The following CYP7B1 variants were observed in gnomAD, a reference collection of about 807,000 sequenced individuals.
CYP7B1 encodes the protein cytochrome P450 7B1.
Under a neutral mutation model 42.7 loss-of-function variants are expected in CYP7B1, and 29 were observed. The observed-to-expected ratio is 0.68, with a 90% CI of 0.51 to 0.93. The LOEUF is 0.93. CYP7B1 is among the 40% of genes least tolerant of loss of function. CYP7B1 has a pLI of 0.00. For missense variants in CYP7B1, 655 were observed against 600.5 expected, an observed-to-expected ratio of 1.09 and a Z score of -0.95; for synonymous variants, 235 against 218.2, an observed-to-expected ratio of 1.08 and a Z score of -0.68.
chr8:64,761,269 C>T (rs1285946971), intron 1 of CYP7B1, among the ~76,000 whole-genome samples: 1 of 152,062 alleles, frequency 6.6e-6, no homozygotes, highest in Non-Finnish European at 1.5e-5. Flanking sequence ...AAATGTACAG[C>T]TTGGTAGCTA....
chr8:64,739,871 T>A (rs1353948037), intron 1 of CYP7B1, among the ~76,000 whole-genome samples: 1 of 152,112 alleles, frequency 6.6e-6, no homozygotes, highest in Non-Finnish European at 1.5e-5. Context: ...TGGATTGAAA[T>A]ATTTAAAGTG....
chr8:64,689,369 A>G (rs994628878), intron 1 of CYP7B1, among the ~76,000 whole-genome samples: 4 of 152,252 alleles, frequency 2.6e-5, no homozygotes, highest in African/African-American at 9.6e-5. Context: ...ATAAGTGCCT[A>G]TCTTACATAC....
At chr8:64,731,496 G>T (rs190997691) in intron 1 of CYP7B1, among the ~76,000 whole-genome samples, 17 of 152,260 alleles carry the variant, frequency 1.1e-4, no homozygotes, top group African/African-American at 3.8e-4. Context: ...TTTCTAAGCA[G>T]CAAAACGTTC....
At position 64,639,206 on chromosome 8, in the gene CYP7B1, A is replaced by C. The variant is rs150096932; in HGVS notation, c.123-14667T>G. 3.1e-3 allele frequency among the ~76,000 whole-genome samples: 467 copies of C among 152,232 alleles called. 4 individuals are homozygous for C. Among genetic ancestry groups the C allele is most frequent in the African/African-American group, 9.1e-3 (380 of 41,564 alleles). On this transcript the variant is annotated intron_variant, in intron 1 of 5. Coordinates refer to ENST00000310193, the MANE Select transcript of CYP7B1 (RefSeq NM_004820.5). ...TGATAGCTTACAGATAAGTCCTCAA[A>C]ATACTCTTAATTATTGTCAATGAAC...
At chr8:64,712,117 T>C (rs371266493) in intron 1 of CYP7B1, among the ~76,000 whole-genome samples, 2 of 152,256 alleles carry the variant, frequency 1.3e-5, no homozygotes, top group East Asian at 1.9e-4. Flanking sequence ...GGAACAACAA[T>C]AGTAGTAACA....
rs1412873237 is a variant in CYP7B1, at chr8:64,645,152, G to A, written c.123-20613C>T. On this transcript the variant is annotated intron_variant, in intron 1 of 5. Coordinates refer to ENST00000310193, the MANE Select transcript of CYP7B1 (RefSeq NM_004820.5). ...ATATGTGCCACATTTTCTTAATCCA[G>A]TCTATCATTGTTGGACATTTGGGTT... Among the ~76,000 whole-genome samples, 136 of 150,678 alleles carry A rather than the reference G, an allele frequency of 9.0e-4. 1 individual carries two copies. Among genetic ancestry groups the A allele is most frequent in the African/African-American group, 3.2e-3 (132 of 41,020 alleles).
chr8:64,643,403 T>C lies in CYP7B1; in HGVS notation c.123-18864A>G, dbSNP rs540577247. Among the ~76,000 whole-genome samples, 17 of 152,214 alleles carry C rather than the reference T, an allele frequency of 1.1e-4. No individual in the cohort carries two copies. The East Asian group carries it at 2.7e-3, about 24-fold the overall frequency. The stretch of plus-strand genomic sequence containing the variant: ...ATAGCACTATGTATAAAAATGTACA[T>C]ATCTTAATTAAAAATACTTTATTGC... On this transcript the variant is annotated intron_variant, in intron 1 of 5. Transcript: ENST00000310193.
intron 1 of CYP7B1, among the ~76,000 whole-genome samples, chr8:64,625,957 C>T (rs758110509): frequency 2.0e-5 from 3 of 151,872 alleles, no homozygotes; most frequent in Non-Finnish European, 4.4e-5. Context: ...CCACTTAAGT[C>T]TACTTAACAT....
intron 1 of CYP7B1, among the ~76,000 whole-genome samples, chr8:64,750,125 T>G (rs762493213): frequency 5.9e-5 from 9 of 152,218 alleles, no homozygotes; most frequent in Non-Finnish European, 7.3e-5. Context: ...TTTCTATGAT[T>G]GATTTTCCTT....
chr8:64,589,192 G>C (rs1372261072), downstream of CYP7B1, among the ~76,000 whole-genome samples: 1 of 152,172 alleles, frequency 6.6e-6, no homozygotes, highest in African/African-American at 2.4e-5. Context: ...ATGTTGTCCC[G>C]TGGAGTAGTT....
rs556149419 is a variant in CYP7B1, at chr8:64,624,534, G to A, written c.128C>T (p.Pro43Leu). 1 of 1,613,146 alleles carries A rather than the reference G, an allele frequency of 6.2e-7. No individual in the cohort carries two copies. The highest frequency in any genetic ancestry group is 1.3e-5 in the African/African-American group (1 of 74,822). ...LCLLVRRTRR[P>L]GEPPLIKGWL... is the part of the protein sequence containing the mutation. ...ACCTTTTATCAATGGAGGCTCACCGGGTCTCCTACAAGGAAAAAAAAAAAG... is the reference window on the plus strand; with the variant it reads ...ACCTTTTATCAATGGAGGCTCACCGAGTCTCCTACAAGGAAAAAAAAAAAG... Residue 43 changes from proline (P) to leucine (L), a missense_variant, in exon 2 of 6, where the codon CCC (proline) becomes CTC (leucine). Pro to Leu is a moderately conservative substitution (Grantham distance 98). Transcript: ENST00000310193.
intron 1 of CYP7B1, among the ~76,000 whole-genome samples, chr8:64,771,786 C>T (rs1427275417): frequency 6.6e-6 from 1 of 152,216 alleles, no homozygotes; most frequent in East Asian, 1.9e-4. Context: ...ATAGACAAAA[C>T]TATAACTCCA....
At chr8:64,598,028 T>C (rs555520443) in intron 5 of CYP7B1, among the ~76,000 whole-genome samples, 2 of 152,354 alleles carry the variant, frequency 1.3e-5, no homozygotes, top group South Asian at 4.1e-4. Flanking sequence ...GTGTTGTTAA[T>C]GACAGTGAAC....
chr8:64,625,119 G>A (rs1030711721), intron 1 of CYP7B1, among the ~76,000 whole-genome samples: 10 of 151,686 alleles, frequency 6.6e-5, no homozygotes, highest in African/African-American at 1.5e-4. Context: ...GACTACAGGC[G>A]CCTGCCACCA....
chr8:64,728,444 A>C (rs1585880713), intron 1 of CYP7B1, among the ~76,000 whole-genome samples: 1 of 152,240 alleles, frequency 6.6e-6, no homozygotes, highest in Non-Finnish European at 1.5e-5. Flanking sequence ...GATCAGCAAC[A>C]GATCCTTCCC....
chr8:64,656,622 T>C (rs1008598327), intron 1 of CYP7B1, among the ~76,000 whole-genome samples: 2 of 152,200 alleles, frequency 1.3e-5, no homozygotes, highest in Non-Finnish European at 2.9e-5. Flanking sequence ...CCCAAAGTAC[T>C]AGGTAGAAAG....
rs1481862674 is a variant in CYP7B1, at chr8:64,591,738, A to G, written c.*4904T>C. 6.6e-6 allele frequency among the ~76,000 whole-genome samples: 1 copy of G among 152,200 alleles called. No homozygotes were observed. ...AAAGTTTTCTTCTAGGTTGCTTATAAGCATGCCTGATTTAGTGATAGGTAG... is the reference window on the plus strand; with the variant it reads ...AAAGTTTTCTTCTAGGTTGCTTATAGGCATGCCTGATTTAGTGATAGGTAG... On this transcript the variant is annotated 3_prime_UTR_variant, in exon 6 of 6. Coordinates refer to ENST00000310193, the MANE Select transcript of CYP7B1 (RefSeq NM_004820.5).
chr8:64,720,091 G>C (rs1217432902), intron 1 of CYP7B1, among the ~76,000 whole-genome samples: 1 of 152,090 alleles, frequency 6.6e-6, no homozygotes, highest in Non-Finnish European at 1.5e-5. Flanking sequence ...TTTAATCTAA[G>C]GCACAATGAA....
At chr8:64,736,831 T>C (rs989479088) in intron 1 of CYP7B1, among the ~76,000 whole-genome samples, 8 of 152,170 alleles carry the variant, frequency 5.3e-5, no homozygotes, top group Non-Finnish European at 1.0e-4. Context: ...ACCAAATCCA[T>C]ATCTCAAATC....
Sources: allele counts gnomAD v4.1 joint callset (sites outside exome capture counted in the v4.1 genomes callset), GRCh38; gene constraint gnomAD v4.1.1; transcripts MANE v1.5; gene names NCBI Gene and HGNC (gene_info 2026-07-23, HGNC 2026-07-21).